Variants in LRRC37A2 observed in about 807,000 individuals in gnomAD.
The protein encoded by LRRC37A2 is leucine rich repeat containing 37 member A2.
In LRRC37A2, 9 loss-of-function variants were observed where a neutral mutation model predicts 68.8. The observed-to-expected ratio is 0.13, with a 90% confidence interval of 0.08 to 0.23. LRRC37A2 has a LOEUF of 0.23. Ranked by LOEUF, LRRC37A2 falls within the 10% of genes least tolerant of loss-of-function variation. The pLI is 1.00. For synonymous variants in LRRC37A2, 63 were observed against 367.6 expected (o/e 0.17, Z 9.48); for missense variants, 168 against 950.4 (o/e 0.18, Z 10.82).
chr17:46,949,684 G>C, the LRRC37A2 span, among the ~76,000 whole-genome samples: 1 of 152,230 alleles, frequency 6.6e-6, no homozygotes, highest in South Asian at 2.1e-4. Context: ...TTAGGGCCAT[G>C]GCAGAAGTAG....
chr17:46,770,936 C>T, the LRRC37A2 span, among the ~76,000 whole-genome samples: 1 of 152,260 alleles, frequency 6.6e-6, no homozygotes, highest in East Asian at 1.9e-4. Flanking sequence ...CTCCTCATGG[C>T]AGGACCCGGG....
At chr17:46,979,109 C>G in the LRRC37A2 span, 1 of 1,176,706 alleles carries the variant, frequency 8.5e-7, no homozygotes, top group Non-Finnish European at 1.1e-6. Flanking sequence ...CGGACCGGCT[C>G]CTGCGGTACG....
chr17:46,770,079 A>T, the LRRC37A2 span: 12 of 1,519,146 alleles, frequency 7.9e-6, no homozygotes, highest in African/African-American at 1.4e-5. Flanking sequence ...GGCAGCACTC[A>T]GGACCCGGCC....
chr17:46,896,181 C>T, the LRRC37A2 span, among the ~76,000 whole-genome samples: 1 of 151,752 alleles, frequency 6.6e-6, no homozygotes, highest in Non-Finnish European at 1.5e-5. Context: ...GTAATCCCAG[C>T]TACTCGGGAG....
At chr17:46,502,966 A>C in the LRRC37A2 span, among the ~76,000 whole-genome samples, 1 of 150,708 alleles carries the variant, frequency 6.6e-6, no homozygotes, top group African/African-American at 2.5e-5. Flanking sequence ...TAATCCCAGC[A>C]CTTTGGGAGG....
chr17:46,946,350 G>A, the LRRC37A2 span, among the ~76,000 whole-genome samples: 4 of 150,474 alleles, frequency 2.7e-5, no homozygotes, highest in African/African-American at 9.8e-5. Context: ...AATCCCAGCT[G>A]CTCGGGAGGC....
chr17:46,943,019 T>C, the LRRC37A2 span, among the ~76,000 whole-genome samples: 1 of 152,278 alleles, frequency 6.6e-6, no homozygotes, highest in East Asian at 1.9e-4. Flanking sequence ...CATGTGTGGG[T>C]CTTCCATTCA....
chr17:46,827,296 C>T, the LRRC37A2 span, among the ~76,000 whole-genome samples: 47 of 152,240 alleles, frequency 3.1e-4, no homozygotes, highest in Non-Finnish European at 5.6e-4. Flanking sequence ...GTGACATGTG[C>T]CTGAGGGAGG....
chr17:46,828,231 CTG>C, the LRRC37A2 span, among the ~76,000 whole-genome samples: 1 of 152,060 alleles, frequency 6.6e-6, no homozygotes, highest in African/African-American at 2.4e-5. Context: ...GCGTCTCACT[CTG>C]TCACTCAGAC....
chr17:46,709,011 G>A, the LRRC37A2 span, among the ~76,000 whole-genome samples: 3 of 151,250 alleles, frequency 2.0e-5, no homozygotes, highest in Admixed American at 2.0e-4. Context: ...TTTTAGTAGA[G>A]ACGAGGTTTC....
the LRRC37A2 span, chr17:46,931,309 G>A: frequency 1.4e-6 from 1 of 736,462 alleles, no homozygotes. Context: ...CAACGTACAT[G>A]TTGAAAAACT....
the LRRC37A2 span, among the ~76,000 whole-genome samples, chr17:46,602,716 A>C: frequency 6.9e-6 from 1 of 145,512 alleles, no homozygotes; most frequent in Non-Finnish European, 1.5e-5. Context: ...TGAGTCTTCC[A>C]ATGAACCTCT....
At chr17:46,747,285 C>G in the LRRC37A2 span, among the ~76,000 whole-genome samples, 1 of 152,120 alleles carries the variant, frequency 6.6e-6, no homozygotes, top group South Asian at 2.1e-4. Context: ...ATAATATTCA[C>G]AAGTTTGTTT....
At chr17:46,467,624 G>A in the LRRC37A2 span, among the ~76,000 whole-genome samples, 3 of 100,856 alleles carry the variant, frequency 3.0e-5, no homozygotes, top group African/African-American at 1.2e-4. Flanking sequence ...TTTCCAGTTC[G>A]ATATTAATTA....
the LRRC37A2 span, among the ~76,000 whole-genome samples, chr17:47,038,717 A>G: frequency 6.6e-5 from 1 of 15,174 alleles, no homozygotes; most frequent in African/African-American, 9.0e-5. Flanking sequence ...GTTTTGGGAC[A>G]GAGTCTCACT....
At chr17:46,794,699 G>C in the LRRC37A2 span, among the ~76,000 whole-genome samples, 96 of 151,192 alleles carry the variant, frequency 6.3e-4, no homozygotes, top group African/African-American at 2.2e-3. Context: ...GGAAGATCTC[G>C]ACCTCCTTCC....
chr17:46,955,902 GT>G, the LRRC37A2 span, among the ~76,000 whole-genome samples: 2 of 152,100 alleles, frequency 1.3e-5, no homozygotes, highest in African/African-American at 4.8e-5. Context: ...CAAGAGCTGT[GT>G]CTCCATCAGA....
At chr17:46,797,755 G>C in the LRRC37A2 span, among the ~76,000 whole-genome samples, 1 of 152,200 alleles carries the variant, frequency 6.6e-6, no homozygotes, top group Non-Finnish European at 1.5e-5. Flanking sequence ...TTATGCAACT[G>C]TGAGCATGTG....
the LRRC37A2 span, chr17:46,979,151 T>C: frequency 1.1e-6 from 1 of 911,486 alleles, no homozygotes; most frequent in African/African-American, 1.8e-5. Flanking sequence ...GCTGGCTGCC[T>C]GCGCGCTCTC....
Sources: allele counts gnomAD v4.1 joint callset (sites outside exome capture counted in the v4.1 genomes callset), GRCh38; gene constraint gnomAD v4.1.1; transcripts MANE v1.5; gene names NCBI Gene and HGNC (gene_info 2026-07-23, HGNC 2026-07-21).